Variants in MARCHF1 observed in about 807,000 individuals in gnomAD.
MARCHF1 encodes the protein E3 ubiquitin-protein ligase MARCHF1.
Under a neutral mutation model 54.2 loss-of-function variants are expected in MARCHF1, and 40 were observed. That is an observed-to-expected ratio of 0.74 (90% confidence interval 0.57 to 0.96). The LOEUF is 0.96. Ranked by LOEUF, MARCHF1 falls within the 40% of genes least tolerant of loss-of-function variation. The pLI is 0.00. For missense variants in MARCHF1, 586 were observed against 656.5 expected (o/e 0.89, Z 1.17); for synonymous variants, 236 against 236.3 (o/e 1.00, Z 0.01).
At chr4:163,952,093 C>T (rs1752144582) in intron 3 of MARCHF1, among the ~76,000 whole-genome samples, 1 of 152,118 alleles carries the variant, frequency 6.6e-6, no homozygotes, top group Middle Eastern at 3.2e-3. Flanking sequence ...ATGAAAATCG[C>T]TTGTTTTTCC....
intron 4 of MARCHF1, among the ~76,000 whole-genome samples, chr4:163,709,864 A>G (rs1190798513): frequency 6.6e-6 from 1 of 152,208 alleles, no homozygotes; most frequent in African/African-American, 2.4e-5. Context: ...GTTGAAGCAA[A>G]CATGGCAAAC....
At chr4:163,561,491 C>T (rs1739465664) in intron 8 of MARCHF1, among the ~76,000 whole-genome samples, 1 of 152,072 alleles carries the variant, frequency 6.6e-6, no homozygotes, top group African/African-American at 2.4e-5. Context: ...ACATCTATCA[C>T]ACAAATATAT....
chr4:163,884,916 G>A (rs67373692), intron 3 of MARCHF1, among the ~76,000 whole-genome samples: 31,211 of 152,018 alleles, frequency 0.21, 3,460 homozygotes, highest in South Asian at 0.32. Flanking sequence ...GAGACTAAAG[G>A]GGGACACTTA....
chr4:164,041,118 AG>A (rs1210427917), intron 2 of MARCHF1, among the ~76,000 whole-genome samples: 1 of 152,162 alleles, frequency 6.6e-6, no homozygotes, highest in Admixed American at 6.6e-5. Context: ...GTGAAACTGA[AG>A]CCAACTAACC....
At chr4:163,741,648 A>G (rs1295925672) in intron 4 of MARCHF1, among the ~76,000 whole-genome samples, 1 of 152,050 alleles carries the variant, frequency 6.6e-6, no homozygotes, top group African/African-American at 2.4e-5. Context: ...TTTGCCCAAG[A>G]TCACAAAGCT....
At chr4:163,768,761 G>A (rs1747063904) in intron 4 of MARCHF1, among the ~76,000 whole-genome samples, 1 of 152,118 alleles carries the variant, frequency 6.6e-6, no homozygotes, top group Non-Finnish European at 1.5e-5. Flanking sequence ...CTCTCTGGAA[G>A]ACCAAATTGA....
intron 5 of MARCHF1, among the ~76,000 whole-genome samples, chr4:163,626,041 G>A (rs984473058): frequency 9.2e-5 from 14 of 152,152 alleles, no homozygotes; most frequent in Non-Finnish European, 1.3e-4. Context: ...TTGGCTGGAT[G>A]AGCAGAATAA....
At chr4:163,654,752 G>A (rs181621155) in intron 5 of MARCHF1, among the ~76,000 whole-genome samples, 1 of 151,442 alleles carries the variant, frequency 6.6e-6, no homozygotes, top group African/African-American at 2.4e-5. Context: ...TTAGACTTTA[G>A]GTAAGTCACT....
chr4:164,185,197 G>A (rs1730934913), intron 1 of MARCHF1, among the ~76,000 whole-genome samples: 1 of 152,100 alleles, frequency 6.6e-6, no homozygotes, highest in African/African-American at 2.4e-5. Context: ...CAACTCTGAT[G>A]GTGATTTGTG....
intron 1 of MARCHF1, among the ~76,000 whole-genome samples, chr4:164,259,195 T>G (rs912063353): frequency 2.6e-5 from 4 of 152,114 alleles, no homozygotes; most frequent in Non-Finnish European, 4.4e-5. Flanking sequence ...ATTCCATCCC[T>G]GCACATCACC....
rs1730695808 is a variant in MARCHF1 at position 164,176,972 on chromosome 4, CTCTCTCTCTATAT to C, written c.-322-65323_-322-65311del. Reference sequence around the variant, plus strand: ...TCTCTCTCTCTCTCTCTCTCTCTCTCTCTCTCTCTATATATATATATATATATATATATATATA... The same window carrying C: ...TCTCTCTCTCTCTCTCTCTCTCTCTCATATATATATATATATATATATATA... On this transcript the variant is annotated intron_variant, in intron 1 of 9. Coordinates refer to ENST00000514618, the MANE Select transcript of MARCHF1 (RefSeq NM_001394959.1). 2.5e-4 allele frequency among the ~76,000 whole-genome samples: 14 copies of C among 56,816 alleles called. 1 individual carries two copies. The highest frequency in any genetic ancestry group is 7.1e-4 in the South Asian group (1 of 1,402). 37.3% of individuals were successfully genotyped at this position (56,816 alleles called of 152,430 possible).
At chr4:163,848,822 C>T (rs545858816) in intron 4 of MARCHF1, among the ~76,000 whole-genome samples, 12 of 151,970 alleles carry the variant, frequency 7.9e-5, no homozygotes, top group South Asian at 6.2e-4. Context: ...AAATATATTC[C>T]GAATTTAAAA....
intron 5 of MARCHF1, among the ~76,000 whole-genome samples, chr4:163,613,870 A>G (rs1257799045): frequency 2.0e-5 from 3 of 152,152 alleles, no homozygotes; most frequent in African/African-American, 7.2e-5. Flanking sequence ...ACTTTGTAAT[A>G]TTTAAAAGCC....
chr4:164,071,153 G>T (rs1212881566), intron 2 of MARCHF1, among the ~76,000 whole-genome samples: 1 of 152,066 alleles, frequency 6.6e-6, no homozygotes, highest in African/African-American at 2.4e-5. Flanking sequence ...ATAAAAATCT[G>T]TTTGACCTTT....
At chr4:164,051,088 C>T (rs1754355285) in intron 2 of MARCHF1, among the ~76,000 whole-genome samples, 1 of 152,170 alleles carries the variant, frequency 6.6e-6, no homozygotes, top group Non-Finnish European at 1.5e-5. Flanking sequence ...GATTACATCA[C>T]TCCTGTGTGC....
chr4:163,780,092 A>G (rs1300590582), intron 4 of MARCHF1, among the ~76,000 whole-genome samples: 1 of 152,204 alleles, frequency 6.6e-6, no homozygotes, highest in Non-Finnish European at 1.5e-5. Flanking sequence ...AATTGAGAAC[A>G]GTCAAAAGTT....
intron 7 of MARCHF1, among the ~76,000 whole-genome samples, chr4:163,606,615 G>A (rs1741151602): frequency 6.6e-6 from 1 of 152,024 alleles, no homozygotes; most frequent in Admixed American, 6.6e-5. Flanking sequence ...TGGAGACGAG[G>A]AGTGAGACAT....
At chr4:163,911,677 A>G (rs1751191678) in intron 3 of MARCHF1, among the ~76,000 whole-genome samples, 1 of 152,098 alleles carries the variant, frequency 6.6e-6, no homozygotes, top group South Asian at 2.1e-4. Flanking sequence ...TTTTGAGAAA[A>G]AAACCTTTAA....
In MARCHF1 at chr4:163,590,216, ATAT is replaced by A. The variant is rs1197084821; in HGVS notation, c.1011-4290_1011-4288del. ...AAGGTTTCCTGGCACTGGTAGAATC[ATAT>A]TTTTTTCTTCATAAGTTTTTTTTTA... is the stretch of plus-strand genomic sequence containing the variant. On this transcript the variant is annotated intron_variant, in intron 7 of 9. Transcript: ENST00000514618. 3.1e-4 allele frequency among the ~76,000 whole-genome samples: 47 copies of A among 149,518 alleles called. 1 individual carries two copies. The highest frequency in any genetic ancestry group is 3.1e-3 in the Admixed American group (46 of 14,810).
Sources: allele counts gnomAD v4.1 joint callset (sites outside exome capture counted in the v4.1 genomes callset), GRCh38; gene constraint gnomAD v4.1.1; transcripts MANE v1.5; gene names NCBI Gene and HGNC (gene_info 2026-07-23, HGNC 2026-07-21).